The following NFKB2 variants were observed in gnomAD, a reference collection of about 807,000 sequenced individuals.
NFKB2 encodes nuclear factor kappa B subunit 2, also known as nuclear factor NF-kappa-B p100 subunit.
In NFKB2, 21 loss-of-function variants were observed where a neutral mutation model predicts 109.3. The observed-to-expected ratio is 0.19, with a 90% CI of 0.14 to 0.28. The LOEUF (loss-of-function observed/expected upper bound fraction) is 0.28. NFKB2 is among the 10% of genes least tolerant of loss of function. The pLI, the probability that NFKB2 is intolerant of heterozygous loss-of-function variation, is 1.00. For missense variants in NFKB2, 806 were observed against 1,185.3 expected (o/e 0.68, Z 4.70); for synonymous variants, 478 against 489.9 (o/e 0.98, Z 0.32).
Position 102,401,494 on chromosome 10 carries a change from C to T in NFKB2, c.2269C>T (p.Pro757Ser), listed in dbSNP as rs776137869. 13 of 1,613,404 alleles carry T rather than the reference C, an allele frequency of 8.1e-6. No individual in the cohort carries two copies. Among genetic ancestry groups the T allele is most frequent in the Non-Finnish European group, 1.1e-5 (13 of 1,179,962 alleles). ...LNAAQNTMEP[P>S]LTPPSPAGPG... ...TGCTGCTCAGAACACCATGGAGCCA[C>T]CCCTGACCCCGCCCAGCCCAGCAGG... Residue 757 changes from proline to serine, a missense_variant, in exon 20 of 23, where the codon CCC (proline) becomes TCC (serine). Pro to Ser is a moderately conservative substitution (Grantham distance 74). Coordinates refer to ENST00000661543, the MANE Select transcript of NFKB2 (RefSeq NM_001322934.2). This position sits in a 1 kb window ranked among gnomAD's most constrained non-coding sequence, Gnocchi z 4.2.
chr10:102,398,234 T>C lies in NFKB2; in HGVS notation c.789T>C (p.Tyr263=). Residue 263 remains tyrosine, a synonymous_variant, in exon 10 of 23, where the codon TAT becomes TAC. Coordinates refer to ENST00000661543, the MANE Select transcript of NFKB2 (RefSeq NM_001322934.2). The surrounding 1 kb of genome is among the most constrained non-coding windows in gnomAD (Gnocchi z 6.6). ...TAGATGACATTGAGGTTCGGTTCTATGAGGATGATGAGAATGGATGGCAGG... is the reference window on the plus strand; with the variant it reads ...TAGATGACATTGAGGTTCGGTTCTACGAGGATGATGAGAATGGATGGCAGG... ...VQKDDIEVRF[Y]EDDENGWQAF... 6.2e-7 allele frequency: 1 copy of C among 1,614,068 alleles called. No individual in the cohort carries two copies. The highest frequency in any genetic ancestry group is 2.2e-5 in the East Asian group (1 of 44,878).
At position 102,401,209 on chromosome 10, in the gene NFKB2, C is replaced by T; in HGVS notation, c.2101C>T (p.Pro701Ser). 2 of 1,600,728 alleles carry T rather than the reference C, an allele frequency of 1.2e-6. No individual in the cohort carries two copies. Among genetic ancestry groups the T allele is most frequent in the Non-Finnish European group, 1.7e-6 (2 of 1,172,200 alleles). The stretch of plus-strand genomic sequence containing the variant: ...TGACATCCATGCTGAAAACGAGGAG[C>T]CCCTGTGCCCACTGCCTTCACCCCC... ...GADIHAENEE[P>S]LCPLPSPPTS... The change falls in exon 19 of 23, where the codon CCC becomes TCC. Residue 701 changes from proline (P) to serine (S), a missense_variant. Pro to Ser is a moderately conservative substitution (Grantham distance 74). Coordinates refer to ENST00000661543, the MANE Select transcript of NFKB2 (RefSeq NM_001322934.2). This position sits in a 1 kb window ranked among gnomAD's most constrained non-coding sequence, Gnocchi z 4.2.
chr10:102,396,120 T>C lies in NFKB2; in HGVS notation c.22-133T>C. On this transcript the variant is annotated intron_variant, in intron 2 of 22. Transcript: ENST00000661543. The surrounding 1 kb of genome is among the most constrained non-coding windows in gnomAD (Gnocchi z 5.9). ...GCCAGTCTGTCCATCTGTCTGCAAC[T>C]CTGCCTCCAAAAGGAGCTTTCTCTT... 6.9e-7 allele frequency: 1 copy of C among 1,457,420 alleles called. No individual in the cohort carries two copies. The highest frequency in any genetic ancestry group is 9.5e-7 in the Non-Finnish European group (1 of 1,047,908). 90.3% of individuals were successfully genotyped at this position (1,457,420 alleles called of 1,614,324 possible). A position where few individuals can be genotyped will look rare whatever the true frequency, so the allele number is the denominator to read the frequency against.
rs1450555490 is a variant in NFKB2 at position 102,399,349 on chromosome 10, C to G, written c.1179C>G (p.Gly393=). 3 of 1,568,790 alleles carry G rather than the reference C, an allele frequency of 1.9e-6. No homozygotes were observed. The highest frequency in any genetic ancestry group is 2.6e-6 in the Non-Finnish European group (3 of 1,159,434). ...ACAGCCCCTACCAGTCCGGCGCGGG[C>G]CCCATGGGCTGCTACCCGGGAGGCG... is the stretch of plus-strand genomic sequence containing the variant. ...LAYSPYQSGA[G]PMGCYPGGGG... The change falls in exon 13 of 23, where the codon GGC becomes GGG. Residue 393 remains glycine, a synonymous_variant. Transcript: ENST00000661543.
rs759639969 is a variant in NFKB2 at position 102,395,919 on chromosome 10, T to C, written c.-41T>C. On this transcript the variant is annotated 5_prime_UTR_variant, in exon 2 of 23. Coordinates refer to ENST00000661543, the MANE Select transcript of NFKB2 (RefSeq NM_001322934.2). ...GTCTAAAATTCTGGGAAGCAGAACC[T>C]GGCCGGAGCCACTAGACAGAGCCGG... 24 of 1,556,376 alleles carry C rather than the reference T, an allele frequency of 1.5e-5. No individual in the cohort carries two copies. The highest frequency in any genetic ancestry group is 2.2e-5 in the South Asian group (2 of 90,252).
In NFKB2 at chr10:102,395,881, A is replaced by G. The variant is rs568175903; in HGVS notation, c.-72-7A>G. ...CCCCTCCCCCACGCCACTCCTCCCA[A>G]CTTTAGGCGGGCGTCTAAAATTCTG... On this transcript the variant is annotated splice_polypyrimidine_tract_variant and splice_region_variant and intron_variant, in intron 1 of 22. Coordinates refer to ENST00000661543, the MANE Select transcript of NFKB2 (RefSeq NM_001322934.2). The G allele has an allele frequency of 1.3e-5, 16 of 1,226,934 alleles. No individual in the cohort carries two copies. In the East Asian group the frequency reaches 1.8e-4, roughly 14 times the overall value. 76.0% of individuals were successfully genotyped at this position (1,226,934 alleles called of 1,614,324 possible). A position where few individuals can be genotyped will look rare whatever the true frequency, so the allele number is the denominator to read the frequency against.
chr10:102,401,175 C>T lies in NFKB2; in HGVS notation c.2072-5C>T. On this transcript the variant is annotated splice_polypyrimidine_tract_variant and splice_region_variant and intron_variant, in intron 18 of 22. Transcript: ENST00000661543. The surrounding 1 kb of genome is among the most constrained non-coding windows in gnomAD (Gnocchi z 4.2). ...TACCGCCCCATGACGGCCTCCCTCTCCCAGGTGCTGACATCCATGCTGAAA... is the reference window on the plus strand; with the variant it reads ...TACCGCCCCATGACGGCCTCCCTCTTCCAGGTGCTGACATCCATGCTGAAA... The T allele has an allele frequency of 6.3e-7, 1 of 1,591,162 alleles. No homozygotes were observed. The highest frequency in any genetic ancestry group is 8.6e-7 in the Non-Finnish European group (1 of 1,165,686).
At position 102,402,510 on chromosome 10, in the gene NFKB2, C is replaced by T. The variant is rs1355358740; in HGVS notation, c.*134C>T. 3.4e-6 allele frequency: 2 copies of T among 589,396 alleles called. No homozygotes were observed. The highest frequency in any genetic ancestry group is 5.8e-6 in the Non-Finnish European group (2 of 342,428). The allele number at this position is 589,396 out of a possible 1,614,324, so 36.5% of individuals were successfully genotyped here. A position where few individuals can be genotyped will look rare whatever the true frequency, so the allele number is the denominator to read the frequency against. On this transcript the variant is annotated 3_prime_UTR_variant, in exon 23 of 23. Transcript: ENST00000661543. ...GATTCTCATGGGAAGGGGAGGACCCCTCCTTCCCAACTTATGGCAGCCCCT... is the reference window on the plus strand; with the variant it reads ...GATTCTCATGGGAAGGGGAGGACCCTTCCTTCCCAACTTATGGCAGCCCCT...
At chr10:102,395,101 T>TGGGGG (rs11306069), upstream of NFKB2, among the ~76,000 whole-genome samples, 1 of 20,614 alleles carries the variant, frequency 4.9e-5, no homozygotes. Context: ...TTGTATTAGG[T>TGGGGG]GGGGGGGGGG....
rs920504477 is a variant in NFKB2 at position 102,399,552 on chromosome 10, G to C, written c.1328-25G>C. The C allele has an allele frequency of 5.2e-6, 8 of 1,544,802 alleles. No individual in the cohort carries two copies. In the African/African-American group the frequency reaches 8.3e-5, roughly 16 times the overall value. ...GCGCCGGGGCTGAGGACCTAGCCCT[G>C]ACCCACGCCCTCTGTGGCCCGTAGC... On this transcript the variant is annotated intron_variant, in intron 13 of 22. Coordinates refer to ENST00000661543, the MANE Select transcript of NFKB2 (RefSeq NM_001322934.2).
In NFKB2 at chr10:102,401,726, G is replaced by T. The variant is rs75709563; in HGVS notation, c.2294-19G>T. On this transcript the variant is annotated intron_variant, in intron 20 of 22. Coordinates refer to ENST00000661543, the MANE Select transcript of NFKB2 (RefSeq NM_001322934.2). The surrounding 1 kb of genome is among the most constrained non-coding windows in gnomAD (Gnocchi z 4.2). ...AACTCTGGAGGTAAATGACATGTCT[G>T]TATGTGTGTCCCCCTAAGGGCCGGG... 1.9e-6 allele frequency: 3 copies of T among 1,585,458 alleles called. No homozygotes were observed. In the African/African-American group the frequency reaches 4.0e-5, roughly 21 times the overall value.
Position 102,400,794 on chromosome 10 carries a change from G to A in NFKB2, c.1938G>A (p.Glu646=), listed in dbSNP as rs563687760. Residue 646 remains glutamate (E), a synonymous_variant, in exon 17 of 23, where the codon GAG becomes GAA. Transcript: ENST00000661543. The surrounding 1 kb of genome is among the most constrained non-coding windows in gnomAD (Gnocchi z 6.3). ...TGCATCTAGCCACAGAGATGGAGGAGCTGGGGTTGGTCACCCATCTGGTCA... is the reference window on the plus strand; with the variant it reads ...TGCATCTAGCCACAGAGATGGAGGAACTGGGGTTGGTCACCCATCTGGTCA... ...TALHLATEME[E]LGLVTHLVTK... The A allele has an allele frequency of 1.8e-5, 29 of 1,602,964 alleles. No homozygotes were observed. The Admixed American group carries it at 4.4e-4, about 25-fold the overall frequency.
rs139519982 is a variant in NFKB2 at position 102,396,141 on chromosome 10, C to A, written c.22-112C>A. 287 of 1,460,084 alleles carry A rather than the reference C, an allele frequency of 2.0e-4. No homozygotes were observed. The African/African-American group carries it at 3.5e-3, about 18-fold the overall frequency. The allele number at this position is 1,460,084 out of a possible 1,614,324, so 90.4% of individuals were successfully genotyped here. A position where few individuals can be genotyped will look rare whatever the true frequency, so the allele number is the denominator to read the frequency against. On this transcript the variant is annotated intron_variant, in intron 2 of 22. Coordinates refer to ENST00000661543, the MANE Select transcript of NFKB2 (RefSeq NM_001322934.2). This position sits in a 1 kb window ranked among gnomAD's most constrained non-coding sequence, Gnocchi z 5.9. ...CAACTCTGCCTCCAAAAGGAGCTTTCTCTTGGGTCTGAGGAGGAGGGGGGA... is the reference window on the plus strand; with the variant it reads ...CAACTCTGCCTCCAAAAGGAGCTTTATCTTGGGTCTGAGGAGGAGGGGGGA...
Position 102,399,377 on chromosome 10 carries a change from G to A in NFKB2, c.1207G>A (p.Gly403Ser), listed in dbSNP as rs1233575392. 6.5e-7 allele frequency: 1 copy of A among 1,546,782 alleles called. No individual in the cohort carries two copies. The highest frequency in any genetic ancestry group is 8.7e-7 in the Non-Finnish European group (1 of 1,146,806). The change falls in exon 13 of 23, where the codon GGC (glycine) becomes AGC (serine). Residue 403 changes from glycine (G) to serine (S), a missense_variant. Gly to Ser is a moderately conservative substitution (Grantham distance 56). Coordinates refer to ENST00000661543, the MANE Select transcript of NFKB2 (RefSeq NM_001322934.2). ...CATGGGCTGCTACCCGGGAGGCGGGGGCGGGGCGCAGATGGCCGCCACGGT... is the reference window on the plus strand; with the variant it reads ...CATGGGCTGCTACCCGGGAGGCGGGAGCGGGGCGCAGATGGCCGCCACGGT... Reference protein sequence around the residue: ...GPMGCYPGGGGGAQMAATVPS... With the variant: ...GPMGCYPGGGSGAQMAATVPS...
In NFKB2 at chr10:102,398,364, G is replaced by T; in HGVS notation, c.853-21G>T. On this transcript the variant is annotated intron_variant, in intron 10 of 22. Transcript: ENST00000661543. The surrounding 1 kb of genome is among the most constrained non-coding windows in gnomAD (Gnocchi z 6.6). ...TAGGCTAAGGACTCACTGACACCCT[G>T]TGTCTCCCTGCACCCCCCAGTATGC... The T allele has an allele frequency of 6.2e-7, 1 of 1,613,992 alleles. No individual in the cohort carries two copies. The highest frequency in any genetic ancestry group is 8.5e-7 in the Non-Finnish European group (1 of 1,179,940).
rs201456641 is a variant in NFKB2, at chr10:102,397,511, T to C, written c.503-16T>C. Reference sequence around the variant, plus strand: ...GAGGGAGAAGCCCAGGGGTCACACATGTACCTACTGCCCAGAGGCCGAGCA... The same window carrying C: ...GAGGGAGAAGCCCAGGGGTCACACACGTACCTACTGCCCAGAGGCCGAGCA... On this transcript the variant is annotated splice_polypyrimidine_tract_variant and intron_variant, in intron 7 of 22. Transcript: ENST00000661543. The surrounding 1 kb of genome is among the most constrained non-coding windows in gnomAD (Gnocchi z 4.7). The C allele has an allele frequency of 6.0e-5, 96 of 1,611,860 alleles. No homozygotes were observed. The African/African-American group carries it at 1.1e-3, about 18-fold the overall frequency.
intron 13 of NFKB2, 26 bp from the exon 14 acceptor site, chr10:102,399,551 T>A (rs973296792): frequency 1.3e-6 from 2 of 1,544,482 alleles, no homozygotes; most frequent in African/African-American, 2.8e-5. Flanking sequence ...GACCTAGCCC[T>A]GACCCACGCC....
At position 102,397,594 on chromosome 10, in the gene NFKB2, G is replaced by A; in HGVS notation, c.570G>A (p.Val190=). Reference sequence around the variant, plus strand: ...AGAAGGTGATGGATCTGAGTATAGTGCGGCTGCGCTTCTCTGCCTTCCTTA... The same window carrying A: ...AGAAGGTGATGGATCTGAGTATAGTACGGCTGCGCTTCTCTGCCTTCCTTA... ...ELKKVMDLSI[V]RLRFSAFLRA... is the part of the protein sequence containing the mutation. Residue 190 remains valine (V), a synonymous_variant, in exon 8 of 23, where the codon GTG becomes GTA. Coordinates refer to ENST00000661543, the MANE Select transcript of NFKB2 (RefSeq NM_001322934.2). This position sits in a 1 kb window ranked among gnomAD's most constrained non-coding sequence, Gnocchi z 4.7. 1.2e-6 allele frequency: 2 copies of A among 1,614,136 alleles called. No homozygotes were observed. Among genetic ancestry groups the A allele is most frequent in the Non-Finnish European group, 1.7e-6 (2 of 1,179,976 alleles).
Position 102,395,896 on chromosome 10 carries a change from C to T in NFKB2, c.-64C>T. On this transcript the variant is annotated 5_prime_UTR_variant, in exon 2 of 23. Transcript: ENST00000661543. ...ACTCCTCCCAACTTTAGGCGGGCGTCTAAAATTCTGGGAAGCAGAACCTGG... is the reference window on the plus strand; with the variant it reads ...ACTCCTCCCAACTTTAGGCGGGCGTTTAAAATTCTGGGAAGCAGAACCTGG... 1 of 1,393,166 alleles carries T rather than the reference C, an allele frequency of 7.2e-7. No individual in the cohort carries two copies. The highest frequency in any genetic ancestry group is 9.6e-7 in the Non-Finnish European group (1 of 1,042,088). The allele number at this position is 1,393,166 out of a possible 1,614,324, so 86.3% of individuals were successfully genotyped here.
Sources: gnomAD v4.1 joint callset for allele counts (sites outside exome capture counted in the v4.1 genomes callset) on GRCh38, gnomAD v4.1.1 for gene constraint, Gnocchi (gnomAD v3.1) non-coding constraint, MANE v1.5 for transcripts, NCBI Gene and HGNC (gene_info 2026-07-23, HGNC 2026-07-21) for gene names.